SNX24: variants seen among roughly 807,000 people sequenced by gnomAD.
SNX24 encodes sorting nexin 24.
Under a neutral mutation model 28.7 loss-of-function variants are expected in SNX24, and 22 were observed. The ratio of observed to expected loss-of-function variants is 0.77; its 90% CI spans 0.55 to 1.10. The LOEUF (loss-of-function observed/expected upper bound fraction) is 1.10. Ranked by LOEUF, SNX24 falls within the 50% of genes least tolerant of loss-of-function variation. SNX24 has a pLI of 0.00. For missense variants in SNX24, 221 were observed against 201.1 expected (o/e 1.10, Z -0.60); for synonymous variants, 69 against 71.5 (o/e 0.96, Z 0.18).
intron 6 of SNX24, among the ~76,000 whole-genome samples, chr5:123,007,213 A>T (rs1762449325): frequency 6.6e-6 from 1 of 152,202 alleles, no homozygotes; most frequent in Admixed American, 6.5e-5. Context: ...TCTCTTTCGA[A>T]GCTAGTCTAA....
intron 2 of SNX24, among the ~76,000 whole-genome samples, chr5:122,938,388 A>G (rs1036864133): frequency 2.6e-5 from 4 of 152,178 alleles, no homozygotes; most frequent in Non-Finnish European, 5.9e-5. Flanking sequence ...ACCTATTCTT[A>G]TAATTATATA....
At chr5:122,913,547 G>A (rs1758009656) in intron 1 of SNX24, among the ~76,000 whole-genome samples, 1 of 152,162 alleles carries the variant, frequency 6.6e-6, no homozygotes. Context: ...TTCTCAGACA[G>A]GGCGGCTGCT....
chr5:122,855,156 C>G (rs1311408064), intron 1 of SNX24, among the ~76,000 whole-genome samples: 1 of 152,004 alleles, frequency 6.6e-6, no homozygotes, highest in Non-Finnish European at 1.5e-5. Flanking sequence ...ACCACAACCT[C>G]TGCCTCCTGG....
At chr5:123,017,985 G>C (rs1222033916) in intron 5 of SNX24, among the ~76,000 whole-genome samples, 1 of 152,032 alleles carries the variant, frequency 6.6e-6, no homozygotes, top group Admixed American at 6.6e-5. Flanking sequence ...TACTCTGTCT[G>C]GGGGTAGATT....
At chr5:122,974,067 G>A (rs536798940) in intron 3 of SNX24, among the ~76,000 whole-genome samples, 20 of 152,254 alleles carry the variant, frequency 1.3e-4, no homozygotes, top group African/African-American at 3.6e-4. Context: ...GGAGTAATGT[G>A]TTGCCTCCAA....
intron 1 of SNX24, among the ~76,000 whole-genome samples, chr5:122,846,922 AAAAC>A (rs141164121): frequency 0.029 from 4,347 of 152,166 alleles, 77 homozygotes; most frequent in Middle Eastern, 0.058. Flanking sequence ...ATCTTCCTTA[AAAAC>A]AAACAAACAA....
At chr5:123,024,245 C>T (rs777386569) in intron 5 of SNX24, among the ~76,000 whole-genome samples, 2 of 152,196 alleles carry the variant, frequency 1.3e-5, no homozygotes, top group Non-Finnish European at 2.9e-5. Context: ...AGAGACCACA[C>T]TGGTATATTT....
intron 3 of SNX24, among the ~76,000 whole-genome samples, chr5:122,989,925 A>AAG (rs1300359197): frequency 6.6e-6 from 1 of 152,168 alleles, no homozygotes; most frequent in Non-Finnish European, 1.5e-5. Flanking sequence ...AGCCATGTGT[A>AAG]GACAGCCCTA....
chr5:122,903,757 A>T (rs1581726946), intron 1 of SNX24, among the ~76,000 whole-genome samples: 2 of 152,164 alleles, frequency 1.3e-5, no homozygotes, highest in East Asian at 3.8e-4. Context: ...TAATTACTGC[A>T]TGAATCTGTT....
chr5:122,984,901 G>A (rs1478206444), intron 3 of SNX24, among the ~76,000 whole-genome samples: 1 of 151,996 alleles, frequency 6.6e-6, no homozygotes, highest in African/African-American at 2.4e-5. Context: ...GCATTAAAAA[G>A]TTTAGTGAAC....
At chr5:122,954,932 G>C (rs1043824293) in intron 3 of SNX24, among the ~76,000 whole-genome samples, 9 of 152,066 alleles carry the variant, frequency 5.9e-5, no homozygotes, top group African/African-American at 1.7e-4. Context: ...AAAAGTTTTA[G>C]CCATTATTTC....
chr5:122,892,515 C>T (rs1757016301), intron 1 of SNX24, among the ~76,000 whole-genome samples: 1 of 151,768 alleles, frequency 6.6e-6, no homozygotes. Flanking sequence ...TCCTGGCTTA[C>T]TGCAACTTCT....
chr5:122,866,036 A>G (rs938483165), intron 1 of SNX24, among the ~76,000 whole-genome samples: 1 of 152,230 alleles, frequency 6.6e-6, no homozygotes, highest in African/African-American at 2.4e-5. Context: ...GAAAACAAAG[A>G]TATTTGTTTG....
At chr5:122,881,647 C>A (rs926395301) in intron 1 of SNX24, among the ~76,000 whole-genome samples, 3 of 151,946 alleles carry the variant, frequency 2.0e-5, no homozygotes, top group African/African-American at 7.3e-5. Context: ...GATTCCTCAT[C>A]TACTGAGTAG....
chr5:123,003,917 T>C (rs936394826), intron 6 of SNX24, among the ~76,000 whole-genome samples: 1 of 152,208 alleles, frequency 6.6e-6, no homozygotes, highest in Non-Finnish European at 1.5e-5. Flanking sequence ...TTTCTTGGAA[T>C]TTTGACCAAT....
intron 3 of SNX24, among the ~76,000 whole-genome samples, chr5:122,957,543 T>A (rs1477178402): frequency 6.6e-6 from 1 of 152,218 alleles, no homozygotes; most frequent in Non-Finnish European, 1.5e-5. Context: ...GATTTTTATA[T>A]TTCTGCAAAA....
intron 3 of SNX24, among the ~76,000 whole-genome samples, chr5:122,992,050 A>G (rs1279157352): frequency 6.6e-6 from 1 of 152,246 alleles, no homozygotes; most frequent in East Asian, 1.9e-4. Context: ...GCTATTATGC[A>G]TGCAGTAAAT....
At chr5:122,864,954 G>A (rs1755651902) in intron 1 of SNX24, among the ~76,000 whole-genome samples, 1 of 152,232 alleles carries the variant, frequency 6.6e-6, no homozygotes, top group South Asian at 2.1e-4. Context: ...TCCTCCCAAG[G>A]TTAGGTCAGC....
rs246289 is a variant in SNX24 at position 122,911,067 on chromosome 5, T to A, written c.61-25667T>A. On this transcript the variant is annotated intron_variant, in intron 1 of 6. Coordinates refer to ENST00000261369, the MANE Select transcript of SNX24 (RefSeq NM_014035.4). ...ACAGTGACTTCCACAATGGTTGAAC[T>A]AGTTTACAGTCCCACCAACAGTGTA... 4.7e-5 allele frequency among the ~76,000 whole-genome samples: 7 copies of A among 150,330 alleles called. No homozygotes were observed. The East Asian group carries it at 7.9e-4, about 17-fold the overall frequency.
Sources: allele counts gnomAD v4.1 joint callset (sites outside exome capture counted in the v4.1 genomes callset), GRCh38; gene constraint gnomAD v4.1.1; transcripts MANE v1.5; gene names NCBI Gene and HGNC (gene_info 2026-07-23, HGNC 2026-07-21).